Variants in SAE1 observed in about 807,000 individuals in gnomAD.
SAE1 encodes the protein SUMO1 activating enzyme subunit 1.
SAE1 carries 11 observed loss-of-function variants against 40.6 expected under a neutral mutation model. The ratio of observed to expected loss-of-function variants is 0.27; its 90% CI spans 0.17 to 0.45. SAE1 has a LOEUF of 0.45. Ranked by LOEUF, SAE1 falls within the 20% of genes least tolerant of loss-of-function variation. The probability of loss-of-function intolerance (pLI) is 1.00; values close to 1 mark genes in which losing one functional copy is unlikely to be tolerated. For synonymous variants in SAE1, 155 were observed against 154.3 expected (o/e 1.00, Z -0.03); for missense variants, 373 against 427.3 (o/e 0.87, Z 1.12).
chr19:47,146,071 T>C (rs1054405395), intron 2 of SAE1, among the ~76,000 whole-genome samples: 7 of 151,706 alleles, frequency 4.6e-5, no homozygotes, highest in African/African-American at 1.7e-4. Context: ...AGAGCCTGTG[T>C]TTTAGGCAGG....
chr19:47,151,127 T>C (rs2058285283), intron 3 of SAE1, among the ~76,000 whole-genome samples: 1 of 151,978 alleles, frequency 6.6e-6, no homozygotes, highest in Non-Finnish European at 1.5e-5. Context: ...GGTTAGAATT[T>C]GGGTTGGGTA....
At chr19:47,144,269 G>A (rs2058241338) in intron 2 of SAE1, among the ~76,000 whole-genome samples, 1 of 152,130 alleles carries the variant, frequency 6.6e-6, no homozygotes, top group Non-Finnish European at 1.5e-5. Context: ...GGGAGGTGGA[G>A]TTTGCAGTGA....
In SAE1 at chr19:47,152,900, G is replaced by A. The variant is rs569028764; in HGVS notation, c.387G>A (p.Val129=). ...PESFFTQFDA[V]CLTCCSRDVI... ...AGCCAATTTCTTTCTTTCTGCAGGT[G>A]TGTCTGACTTGCTGCTCCAGGGATG... Residue 129 remains valine (V), a splice_region_variant and synonymous_variant, in exon 4 of 9, where the codon GTG becomes GTA. Transcript: ENST00000270225. The A allele has an allele frequency of 6.6e-5, 106 of 1,611,688 alleles. 1 individual carries two copies. In the South Asian group the frequency reaches 1.1e-3, roughly 16 times the overall value.
intron 5 of SAE1, among the ~76,000 whole-genome samples, chr19:47,157,471 T>G (rs1306503042): frequency 2.0e-5 from 3 of 152,230 alleles, no homozygotes; most frequent in African/African-American, 7.2e-5. Context: ...CTTAAGGGCC[T>G]TCTCTGATTG....
intron 5 of SAE1, among the ~76,000 whole-genome samples, chr19:47,160,259 T>TC (rs2058351130): frequency 7.3e-6 from 1 of 136,892 alleles, no homozygotes; most frequent in South Asian, 2.6e-4. Context: ...TCTCACTCTA[T>TC]CACCCAAGCT....
In SAE1 at chr19:47,202,766, C is replaced by T. The variant is rs146716185; in HGVS notation, c.879-905C>T. ...GTCTCTACTAAAAATTCAGAGTAGC[C>T]GGGCGTGGTGGCGGGTGCCTGTAGT... On this transcript the variant is annotated intron_variant, in intron 7 of 8. Coordinates refer to ENST00000270225, the MANE Select transcript of SAE1 (RefSeq NM_005500.3). 2.5e-3 allele frequency among the ~76,000 whole-genome samples: 375 copies of T among 151,856 alleles called. 2 individuals carry two copies. The highest frequency in any genetic ancestry group is 8.3e-3 in the African/African-American group (346 of 41,476).
rs190311945 is a variant in SAE1, at chr19:47,204,343, G to A, written c.948+603G>A. Among the ~76,000 whole-genome samples the A allele has an allele frequency of 3.0e-3, 458 of 151,064 alleles. 2 individuals are homozygous for A. Among genetic ancestry groups the A allele is most frequent in the African/African-American group, 0.011 (434 of 41,174 alleles). On this transcript the variant is annotated intron_variant, in intron 8 of 8. Transcript: ENST00000270225. ...CTTCCAAGTAGCTGGGACTACAGGC[G>A]CCTGCCACCACGCCCAGCTAATTTT...
At chr19:47,140,424 G>A (rs963762747) in intron 1 of SAE1, among the ~76,000 whole-genome samples, 1 of 151,930 alleles carries the variant, frequency 6.6e-6, no homozygotes, top group Non-Finnish European at 1.5e-5. Flanking sequence ...GCTAATTTTT[G>A]TAATTTTAGT....
At chr19:47,183,532 C>G (rs2058524511) in intron 6 of SAE1, among the ~76,000 whole-genome samples, 1 of 152,154 alleles carries the variant, frequency 6.6e-6, no homozygotes. Context: ...TCTTATTCCA[C>G]TTTTGCAGAT....
chr19:47,173,521 T>C (rs922245282), intron 6 of SAE1, among the ~76,000 whole-genome samples: 8 of 152,164 alleles, frequency 5.3e-5, no homozygotes, highest in Non-Finnish European at 1.0e-4. Flanking sequence ...CTCTGGAAAC[T>C]GCAGAGGATA....
In SAE1 at chr19:47,188,537, C is replaced by T. The variant is rs147973329; in HGVS notation, c.734-8696C>T. Among the ~76,000 whole-genome samples the T allele has an allele frequency of 1.8e-4, 28 of 152,262 alleles. No homozygotes were observed. The East Asian group carries it at 3.7e-3, about 20-fold the overall frequency. On this transcript the variant is annotated intron_variant, in intron 6 of 8. Coordinates refer to ENST00000270225, the MANE Select transcript of SAE1 (RefSeq NM_005500.3). ...ACACAGGTTACCACAGCAAGTGTAT[C>T]GGCTTTTCTAGGGCGAGTGTGAGCT... is the stretch of plus-strand genomic sequence containing the variant.
At position 47,205,320 on chromosome 19, in the gene SAE1, C is replaced by CT. The variant is rs11291244; in HGVS notation, c.948+1597dup. ...TAGTCACACCGTTTTCCTAAGGCTACTTTTTTTTTTTTTTTTTGTCTATTT... is the reference window on the plus strand; with the variant it reads ...TAGTCACACCGTTTTCCTAAGGCTACTTTTTTTTTTTTTTTTTTGTCTATTT... On this transcript the variant is annotated intron_variant, in intron 8 of 8. Coordinates refer to ENST00000270225, the MANE Select transcript of SAE1 (RefSeq NM_005500.3). Among the ~76,000 whole-genome samples, 408 of 129,180 alleles carry CT rather than the reference C, an allele frequency of 3.2e-3. 2 individuals carry two copies. Among genetic ancestry groups the CT allele is most frequent in the Middle Eastern group, 3.9e-3 (1 of 254 alleles). 84.7% of individuals were successfully genotyped at this position (129,180 alleles called of 152,430 possible).
intron 6 of SAE1, among the ~76,000 whole-genome samples, chr19:47,178,138 G>A (rs568612577): frequency 1.3e-5 from 2 of 152,024 alleles, no homozygotes; most frequent in African/African-American, 4.8e-5. Flanking sequence ...CTACTCGGGA[G>A]GGGGAGGCAG....
intron 3 of SAE1, among the ~76,000 whole-genome samples, chr19:47,152,270 A>G (rs2058292789): frequency 6.6e-6 from 1 of 152,266 alleles, no homozygotes; most frequent in African/African-American, 2.4e-5. Flanking sequence ...GCCCCAGAGC[A>G]ACACTGATAA....
chr19:47,146,742 G>A (rs1262347741), intron 2 of SAE1, among the ~76,000 whole-genome samples: 1 of 152,160 alleles, frequency 6.6e-6, no homozygotes, highest in Non-Finnish European at 1.5e-5. Context: ...TGACTCCAGA[G>A]CCCATGTTCT....
Position 47,130,876 on chromosome 19 carries a change from C to G in SAE1, c.-55C>G. ...CGGCGGCGGTAGGTGGCGCGCGGGTCCGGCGGGCGGTTGGCTTGAGCGGGA... is the reference window on the plus strand; with the variant it reads ...CGGCGGCGGTAGGTGGCGCGCGGGTGCGGCGGGCGGTTGGCTTGAGCGGGA... On this transcript the variant is annotated 5_prime_UTR_variant, in exon 1 of 9. Transcript: ENST00000270225. The G allele has an allele frequency of 1.9e-6, 3 of 1,544,642 alleles. No homozygotes were observed. Among genetic ancestry groups the G allele is most frequent in the Non-Finnish European group, 1.7e-6 (2 of 1,144,722 alleles).
chr19:47,186,251 T>TAA (rs71180804), intron 6 of SAE1, among the ~76,000 whole-genome samples: 8 of 148,742 alleles, frequency 5.4e-5, no homozygotes, highest in African/African-American at 9.9e-5. Flanking sequence ...AAAATAAAAA[T>TAA]AAAAAAAAAA....
chr19:47,196,377 T>C (rs2058616223), intron 6 of SAE1, among the ~76,000 whole-genome samples: 1 of 127,330 alleles, frequency 7.9e-6, no homozygotes, highest in Non-Finnish European at 1.6e-5. Flanking sequence ...TAATTTTACT[T>C]TTTTGAGACG....
chr19:47,209,183 C>A lies in SAE1; in HGVS notation c.973C>A (p.His325Asn). The A allele has an allele frequency of 1.9e-6, 3 of 1,614,064 alleles. No individual in the cohort carries two copies. Among genetic ancestry groups the A allele is most frequent in the Non-Finnish European group, 2.5e-6 (3 of 1,180,014 alleles). ...GGCCCTGTCTCAGCGGGACCCTCCT[C>A]ACAACAACTTCTTCTTCTTCGATGG... ...VKALSQRDPP[H>N]NNFFFFDGMK... The change falls in exon 9 of 9, where the codon CAC becomes AAC. Residue 325 changes from histidine to asparagine, a missense_variant. Around this residue, in one of 3 missense-constraint regions of SAE1, gnomAD observed 351 missense variants for 390.6 expected, o/e 0.90. Coordinates refer to ENST00000270225, the MANE Select transcript of SAE1 (RefSeq NM_005500.3).
Sources: allele counts gnomAD v4.1 joint callset (sites outside exome capture counted in the v4.1 genomes callset), GRCh38; gene constraint gnomAD v4.1.1; regional missense constraint gnomAD v4.1.1; transcripts MANE v1.5; gene names NCBI Gene and HGNC (gene_info 2026-07-23, HGNC 2026-07-21).